Variants in KANK1 observed in about 807,000 individuals in gnomAD.
KANK1 encodes KN motif and ankyrin repeat domain-containing protein 1.
In KANK1, 109 loss-of-function variants were observed where a neutral mutation model predicts 106.2. The observed-to-expected ratio is 1.03, with a 90% CI of 0.88 to 1.20. The LOEUF (loss-of-function observed/expected upper bound fraction) is 1.20. KANK1 is among the 50% of genes most tolerant of loss of function. The probability of loss-of-function intolerance (pLI) is 0.00; values close to 1 mark genes in which losing one functional copy is unlikely to be tolerated. For missense variants in KANK1, 2,399 were observed against 1,710.7 expected, an observed-to-expected ratio of 1.40 and a Z score of -7.10; for synonymous variants, 873 against 652.2, an observed-to-expected ratio of 1.34 and a Z score of -5.16.
intron 1 of KANK1, among the ~76,000 whole-genome samples, chr9:583,253 A>T (rs919756073): frequency 2.0e-5 from 3 of 152,088 alleles, no homozygotes; most frequent in Non-Finnish European, 4.4e-5. Context: ...CTATCACTTT[A>T]TTGTCTATGG....
At chr9:598,620 CTTTTTTTTTTTTTTTT>C (rs3028166) in intron 1 of KANK1, among the ~76,000 whole-genome samples, 11 of 46,662 alleles carry the variant, frequency 2.4e-4, no homozygotes, top group South Asian at 1.3e-3. Flanking sequence ...TGTTGGTTTT[CTTTTTTTTTTTTTTTT>C]TTTTTTTTTT....
intron 1 of KANK1, among the ~76,000 whole-genome samples, chr9:653,002 A>G (rs1259062197): frequency 1.3e-5 from 2 of 152,196 alleles, no homozygotes; most frequent in East Asian, 3.9e-4. Flanking sequence ...ACTGTGCCAG[A>G]GAAGCTTTCT....
chr9:631,243 A>G (rs1835661293), intron 1 of KANK1, among the ~76,000 whole-genome samples: 1 of 152,202 alleles, frequency 6.6e-6, no homozygotes, highest in African/African-American at 2.4e-5. Context: ...TATGCCCAGC[A>G]AGCAGAATTA....
intron 1 of KANK1, among the ~76,000 whole-genome samples, chr9:527,651 A>T (rs1000721220): frequency 1.3e-5 from 2 of 150,740 alleles, no homozygotes; most frequent in African/African-American, 4.9e-5. Context: ...GCACAAGGTT[A>T]CAAGGGAGAT....
intron 1 of KANK1, among the ~76,000 whole-genome samples, chr9:586,703 CGGA>C (rs1271447306): frequency 2.6e-5 from 4 of 152,110 alleles, no homozygotes; most frequent in African/African-American, 9.7e-5. Context: ...ACCAAACACA[CGGA>C]GGAGGAGAAC....
At chr9:493,335 G>C (rs886433813) in intron 3 of KANK1, among the ~76,000 whole-genome samples, 1 of 152,126 alleles carries the variant, frequency 6.6e-6, no homozygotes, top group Non-Finnish European at 1.5e-5. Flanking sequence ...GTGAGTTGCT[G>C]AGCCTCCTTA....
At chr9:671,363 G>A (rs570202263) in intron 1 of KANK1, among the ~76,000 whole-genome samples, 1 of 151,884 alleles carries the variant, frequency 6.6e-6, no homozygotes, top group East Asian at 1.9e-4. Flanking sequence ...GAGTGTACTG[G>A]GGCCGGGCGC....
chr9:604,453 C>G (rs547520749), intron 1 of KANK1, among the ~76,000 whole-genome samples: 1 of 151,880 alleles, frequency 6.6e-6, no homozygotes, highest in African/African-American at 2.4e-5. Flanking sequence ...TTGGCAGTTT[C>G]ACCCTTGCAC....
intron 1 of KANK1, among the ~76,000 whole-genome samples, chr9:515,440 A>T (rs1036102963): frequency 1.7e-5 from 2 of 114,450 alleles, no homozygotes; most frequent in Non-Finnish European, 3.5e-5. Flanking sequence ...TTCTCTACAC[A>T]TTTATTGTGT....
At chr9:737,770 G>C (rs148077394) in intron 7 of KANK1, among the ~76,000 whole-genome samples, 1 of 152,336 alleles carries the variant, frequency 6.6e-6, no homozygotes, top group East Asian at 1.9e-4. Context: ...GTTTGGTCTG[G>C]ATAGGAAGGA....
At chr9:707,253 TGAGCTGC>T (rs1824560425) in intron 2 of KANK1, 2 of 985,388 alleles carry the variant, frequency 2.0e-6, no homozygotes, top group Non-Finnish European at 2.4e-6. Context: ...ACGTGGTAGG[TGAGCTGC>T]GAGCGGCGTG....
At chr9:528,283 T>A (rs1034620751) in intron 1 of KANK1, among the ~76,000 whole-genome samples, 2 of 152,086 alleles carry the variant, frequency 1.3e-5, no homozygotes, top group East Asian at 3.9e-4. Context: ...TTTAAAAAAT[T>A]ATATTTAGAT....
intron 4 of KANK1, 52 bp downstream of exon 4, chr9:730,300 G>A (rs1831860169): frequency 1.3e-6 from 2 of 1,529,480 alleles, no homozygotes; most frequent in Non-Finnish European, 1.8e-6. Flanking sequence ...GGCCAGCATT[G>A]CCAGCATTCC....
chr9:682,202 C>T (rs550876242), intron 2 of KANK1, among the ~76,000 whole-genome samples: 12 of 151,820 alleles, frequency 7.9e-5, no homozygotes, highest in African/African-American at 2.4e-4. Context: ...ATTGCTTGAA[C>T]CCGGGAGACG....
chr9:517,489 T>G lies in KANK1; in HGVS notation c.-84+12735T>G, dbSNP rs536942006. Among the ~76,000 whole-genome samples, 6 of 151,898 alleles carry G rather than the reference T, an allele frequency of 4.0e-5. 1 individual carries two copies. Among genetic ancestry groups the G allele is most frequent in the South Asian group, 4.1e-4 (2 of 4,826 alleles). ...CTTTTTGTTTCTTTTTTAGGTTTAT[T>G]TTAGCCAACCTGAGGAAACAAAAGC... On this transcript the variant is annotated intron_variant, in intron 1 of 11. Transcript: ENST00000382297.
At chr9:524,294 GT>G (rs1192109180) in intron 1 of KANK1, among the ~76,000 whole-genome samples, 1 of 150,784 alleles carries the variant, frequency 6.6e-6, no homozygotes, top group African/African-American at 2.5e-5. Context: ...TCGTTCTGTA[GT>G]TTTTTGTTGT....
Position 712,294 on chromosome 9 carries a change from C to G in KANK1, c.1528C>G (p.Leu510Val). The G allele has an allele frequency of 2.5e-6, 4 of 1,614,218 alleles. No individual in the cohort carries two copies. Among genetic ancestry groups the G allele is most frequent in the South Asian group, 1.1e-5 (1 of 91,082 alleles). Residue 510 changes from leucine (L) to valine (V), a missense_variant, in exon 3 of 12, where the codon CTT becomes GTT. By Grantham distance (32) the Leu-to-Val change is conservative. Transcript: ENST00000382297. ...TGACAAAGCCACGATGGCCCAGCCG[C>G]TTGTTTTCAGTAAGGTGGTGGAGGC... ...KVDKATMAQP[L>V]VFSKVVEAVV...
At chr9:634,181 A>T (rs975193447) in intron 1 of KANK1, among the ~76,000 whole-genome samples, 3 of 152,204 alleles carry the variant, frequency 2.0e-5, no homozygotes, top group Non-Finnish European at 2.9e-5. Flanking sequence ...TATTCAAATC[A>T]ATCTCCCCAA....
At chr9:696,100 T>C (rs1020997874) in intron 2 of KANK1, among the ~76,000 whole-genome samples, 2 of 152,004 alleles carry the variant, frequency 1.3e-5, no homozygotes, top group African/African-American at 2.4e-5. Flanking sequence ...CTGGCTAACA[T>C]GGTGAAACGC....
Sources: gnomAD v4.1 joint callset for allele counts (sites outside exome capture counted in the v4.1 genomes callset) on GRCh38, gnomAD v4.1.1 for gene constraint, MANE v1.5 for transcripts, NCBI Gene and HGNC (gene_info 2026-07-23, HGNC 2026-07-21) for gene names.